The following ABCB10 variants were observed in gnomAD, a reference collection of about 807,000 sequenced individuals.
ABCB10 encodes the protein ATP binding cassette subfamily B member 10, also known as ATP-binding cassette sub-family B member 10, mitochondrial.
ABCB10 carries 54 observed loss-of-function variants against 65.4 expected under a neutral mutation model. That is an observed-to-expected ratio of 0.83 (90% CI 0.66 to 1.04). ABCB10 has a LOEUF of 1.04. Among genes scored for constraint, ABCB10 ranks in the 50% least tolerant of loss-of-function variants. The pLI, the probability that ABCB10 is intolerant of heterozygous loss-of-function variation, is 0.00. For missense variants in ABCB10, 846 were observed against 976.6 expected, an observed-to-expected ratio of 0.87 and a Z score of 1.78; for synonymous variants, 418 against 406.5, an observed-to-expected ratio of 1.03 and a Z score of -0.34.
intron 11 of ABCB10, among the ~76,000 whole-genome samples, chr1:229,521,079 TA>T (rs1479435341): frequency 6.6e-6 from 1 of 152,048 alleles, no homozygotes; most frequent in Non-Finnish European, 1.5e-5. Context: ...TTTTTTTTTT[TA>T]ATCACCTATA....
chr1:229,558,437 G>C lies in ABCB10; in HGVS notation c.216C>G (p.Cys72Trp). ...GCGAGGCGCCCGGACCCCCGCCCCGGCAGCCGCTCCTCCAGCGGCGCGCGG... is the reference window on the plus strand; with the variant it reads ...GCGAGGCGCCCGGACCCCCGCCCCGCCAGCCGCTCCTCCAGCGGCGCGCGG... ...VGAARRWRSG[C>W]RGGGPGASRG... is the part of the protein sequence containing the mutation. The change falls in exon 1 of 13, where the codon TGC (cysteine) becomes TGG (tryptophan). Residue 72 changes from cysteine (C) to tryptophan (W), a missense_variant. Cys to Trp is a radical substitution (Grantham distance 215, BLOSUM62 -2). Transcript: ENST00000344517. The C allele has an allele frequency of 2.5e-6, 3 of 1,212,294 alleles. No homozygotes were observed. The highest frequency in any genetic ancestry group is 3.1e-6 in the Non-Finnish European group (3 of 978,504). The allele number at this position is 1,212,294 out of a possible 1,614,324, so 75.1% of individuals were successfully genotyped here.
chr1:229,558,304 G>C lies in ABCB10; in HGVS notation c.349C>G (p.Arg117Gly), dbSNP rs1381700532. The C allele has an allele frequency of 3.2e-6, 4 of 1,234,386 alleles. No homozygotes were observed. The highest frequency in any genetic ancestry group is 4.0e-5 in the Admixed American group (1 of 24,910). 76.5% of individuals were successfully genotyped at this position (1,234,386 alleles called of 1,614,324 possible). A position where few individuals can be genotyped will look rare whatever the true frequency, so the allele number is the denominator to read the frequency against. The change falls in exon 1 of 13, where the codon CGG (arginine) becomes GGG (glycine). Residue 117 changes from arginine (R) to glycine (G), a missense_variant. Arg to Gly is a moderately radical substitution (Grantham distance 125, BLOSUM62 -2). This residue lies in a region of ABCB10 where 632 missense variants were observed against 803.2 expected (regional missense o/e 0.79). Coordinates refer to ENST00000344517, the MANE Select transcript of ABCB10 (RefSeq NM_012089.3). ...GCGGCTGCGGGACCGCCCGGGAACCGGGCGCGCGGGAGCCGAGGAGCGCCT... is the reference window on the plus strand; with the variant it reads ...GCGGCTGCGGGACCGCCCGGGAACCCGGCGCGCGGGAGCCGAGGAGCGCCT... ...GPGAPRLPRA[R>G]FPGGPAAAAW...
At chr1:229,538,324 G>A (rs1212700226) in intron 6 of ABCB10, among the ~76,000 whole-genome samples, 1 of 152,190 alleles carries the variant, frequency 6.6e-6, no homozygotes, top group Non-Finnish European at 1.5e-5. Flanking sequence ...TAGCATGGCA[G>A]AAAACATTAA....
At chr1:229,551,479 GAACA>G (rs1337475808) in intron 1 of ABCB10, among the ~76,000 whole-genome samples, 2 of 152,202 alleles carry the variant, frequency 1.3e-5, no homozygotes, top group African/African-American at 2.4e-5. Flanking sequence ...TTTGTTGGAT[GAACA>G]AACAAATAAA....
chr1:229,542,089 G>A (rs1455610343), intron 4 of ABCB10, 148 bp downstream of exon 4: 1 of 1,078,314 alleles, frequency 9.3e-7, no homozygotes, highest in Non-Finnish European at 1.3e-6. Flanking sequence ...AGTAGTTTAA[G>A]TTTCATGGAT....
In ABCB10 at chr1:229,526,006, T is replaced by G. The variant is rs748196983; in HGVS notation, c.1836A>C (p.Ala612=). 6.2e-7 allele frequency: 1 copy of G among 1,614,244 alleles called. No homozygotes were observed. ...EIQRVAEVAN[A]VAFIRNFPQG... ...GGGGGAAATTCCGGATGAAGGCCAC[T>G]GCATTGGCCACTTCAGCCACTCTCT... The change falls in exon 10 of 13, where the codon GCA becomes GCC. Residue 612 remains alanine (A), a synonymous_variant. Transcript: ENST00000344517.
chr1:229,554,593 A>G (rs984142285), intron 1 of ABCB10, among the ~76,000 whole-genome samples: 3 of 151,738 alleles, frequency 2.0e-5, no homozygotes, highest in Non-Finnish European at 4.4e-5. Flanking sequence ...TATCCAAAAT[A>G]TTATCCACAC....
At chr1:229,551,188 T>G (rs916785327) in intron 1 of ABCB10, among the ~76,000 whole-genome samples, 1 of 152,196 alleles carries the variant, frequency 6.6e-6, no homozygotes, top group Admixed American at 6.5e-5. Context: ...CCTTTTTAAG[T>G]GGGGAACATT....
At chr1:229,533,673 G>C (rs987410501) in intron 6 of ABCB10, among the ~76,000 whole-genome samples, 1 of 152,194 alleles carries the variant, frequency 6.6e-6, no homozygotes, top group African/African-American at 2.4e-5. Context: ...CAATGGAGAT[G>C]CAACGGCAAT....
At chr1:229,531,954 T>TG (rs1407216000) in intron 6 of ABCB10, 6 of 373,538 alleles carry the variant, frequency 1.6e-5, no homozygotes, top group Non-Finnish European at 2.4e-5. Context: ...ATAGTTTTTT[T>TG]TTTTTTTTTT....
chr1:229,521,871 T>C (rs759025997), intron 10 of ABCB10, among the ~76,000 whole-genome samples: 1 of 152,224 alleles, frequency 6.6e-6, no homozygotes, highest in Non-Finnish European at 1.5e-5. Flanking sequence ...GTATTTTCTT[T>C]TCTTTCTGTT....
At position 229,531,947 on chromosome 1, in the gene ABCB10, GTTTTTTTTTTTT is replaced by G. The variant is rs34289048; in HGVS notation, c.1340-228_1340-217del. The G allele has an allele frequency of 4.5e-3, 595 of 132,774 alleles. 10 individuals are homozygous for G. Among genetic ancestry groups the G allele is most frequent in the African/African-American group, 0.019 (503 of 26,534 alleles). The allele number at this position is 132,774 out of a possible 1,614,324, so 8.2% of individuals were successfully genotyped here. A position where few individuals can be genotyped will look rare whatever the true frequency, so the allele number is the denominator to read the frequency against. On this transcript the variant is annotated intron_variant, in intron 6 of 12. Transcript: ENST00000344517. The stretch of plus-strand genomic sequence containing the variant: ...TGGCTTCTCCTCCTCCAGTTTCATA[GTTTTTTTTTTTT>G]TTTTTTTTTTTGAGACAGATCATCA...
intron 11 of ABCB10, 39 bp from the exon 12 acceptor site, chr1:229,518,914 A>G: frequency 3.4e-6 from 5 of 1,485,708 alleles, no homozygotes; most frequent in Non-Finnish European, 4.6e-6. Context: ...AAATAATTTT[A>G]TTGGAAAAAT....
At chr1:229,556,322 A>C (rs966238816) in intron 1 of ABCB10, among the ~76,000 whole-genome samples, 1 of 151,668 alleles carries the variant, frequency 6.6e-6, no homozygotes, top group Non-Finnish European at 1.5e-5. Flanking sequence ...CGGTGAGGTG[A>C]GATCACGCCA....
At chr1:229,553,223 G>A (rs1663160979) in intron 1 of ABCB10, among the ~76,000 whole-genome samples, 1 of 151,928 alleles carries the variant, frequency 6.6e-6, no homozygotes, top group Non-Finnish European at 1.5e-5. Context: ...CGATTCTCCC[G>A]CCTCAGCCTC....
intron 1 of ABCB10, among the ~76,000 whole-genome samples, chr1:229,553,686 A>C (rs1663170963): frequency 6.6e-6 from 1 of 151,290 alleles, no homozygotes; most frequent in Non-Finnish European, 1.5e-5. Context: ...GGCCGTTTTG[A>C]GGTTGAGTTG....
Position 229,525,936 on chromosome 1 carries a change from C to G in ABCB10, c.1906G>C (p.Gly636Arg). Residue 636 changes from glycine (G) to arginine (R), a missense_variant and splice_region_variant, in exon 10 of 13, where the codon GGT becomes CGT. Gly to Arg is a moderately radical substitution (Grantham distance 125, BLOSUM62 -2). Around this residue, in one of 2 missense-constraint regions of ABCB10, gnomAD observed 632 missense variants for 803.2 expected, o/e 0.79. Coordinates refer to ENST00000344517, the MANE Select transcript of ABCB10 (RefSeq NM_012089.3). ...GCTACAAAGCAGTAAAGAAATGCAC[C>G]TGAGAGGAGAACACCCTTTTCTCCA... ...VVGEKGVLLSGGQKQRIAIAR... is the reference protein window; with the variant it reads ...VVGEKGVLLSRGQKQRIAIAR... The G allele has an allele frequency of 6.2e-7, 1 of 1,611,134 alleles. No homozygotes were observed. The highest frequency in any genetic ancestry group is 8.5e-7 in the Non-Finnish European group (1 of 1,178,632).
chr1:229,549,119 A>G, intron 2 of ABCB10, 115 bp downstream of exon 2: 1 of 1,100,474 alleles, frequency 9.1e-7, no homozygotes, highest in Non-Finnish European at 1.4e-6. Flanking sequence ...ATGGGATGCC[A>G]GGAAGAGAGG....
intron 6 of ABCB10, among the ~76,000 whole-genome samples, chr1:229,538,752 G>A (rs1662776646): frequency 6.6e-6 from 1 of 152,068 alleles, no homozygotes; most frequent in Non-Finnish European, 1.5e-5. Context: ...AAAACTCTCT[G>A]GTTGAGGCAA....
Sources: gnomAD v4.1 joint callset for allele counts (sites outside exome capture counted in the v4.1 genomes callset) on GRCh38, gnomAD v4.1.1 for gene constraint, gnomAD v4.1.1 regional missense constraint, MANE v1.5 for transcripts, NCBI Gene and HGNC (gene_info 2026-07-23, HGNC 2026-07-21) for gene names.